The following COPZ1 variants were observed in gnomAD, a reference collection of about 807,000 sequenced individuals.
COPZ1 encodes coatomer subunit zeta-1.
Under a neutral mutation model 31.7 loss-of-function variants are expected in COPZ1, and 4 were observed. The ratio of observed to expected loss-of-function variants is 0.13; its 90% CI spans 0.06 to 0.29. COPZ1 has a LOEUF of 0.29. Ranked by LOEUF, COPZ1 falls within the 10% of genes least tolerant of loss-of-function variation. The pLI, the probability that COPZ1 is intolerant of heterozygous loss-of-function variation, is 1.00. For missense variants in COPZ1, 156 were observed against 211.5 expected (o/e 0.74, Z 1.63); for synonymous variants, 74 against 79.0 (o/e 0.94, Z 0.33).
chr12:54,325,211 GT>G, intron 1 of COPZ1, 30 bp downstream of exon 1: 2 of 1,554,198 alleles, frequency 1.3e-6, no homozygotes, highest in South Asian at 2.4e-5. Context: ...CAGAGATGCT[GT>G]GGTGTCCACA....
At chr12:54,331,730 G>A (rs575053070) in intron 1 of COPZ1, among the ~76,000 whole-genome samples, 2 of 152,202 alleles carry the variant, frequency 1.3e-5, no homozygotes, top group South Asian at 2.1e-4. Context: ...GGAGATGTGG[G>A]GGGGAGTAAA....
intron 1 of COPZ1, among the ~76,000 whole-genome samples, chr12:54,328,666 T>A (rs1288607179): frequency 1.3e-5 from 2 of 152,220 alleles, no homozygotes; most frequent in Non-Finnish European, 2.9e-5. Flanking sequence ...GCTTCTTCCT[T>A]ATTCTTTTGC....
At chr12:54,348,809 G>A (rs1334662074) in intron 7 of COPZ1, among the ~76,000 whole-genome samples, 1 of 152,138 alleles carries the variant, frequency 6.6e-6, no homozygotes, top group Non-Finnish European at 1.5e-5. Context: ...CCATTAGGAA[G>A]TACTTATTTG....
intron 5 of COPZ1, among the ~76,000 whole-genome samples, chr12:54,346,070 C>G (rs1287413898): frequency 6.6e-6 from 1 of 151,848 alleles, no homozygotes; most frequent in Non-Finnish European, 1.5e-5. Context: ...AGTAAGGGGA[C>G]TGGGAGGGAG....
intron 1 of COPZ1, among the ~76,000 whole-genome samples, chr12:54,336,766 G>C (rs1953873647): frequency 6.6e-6 from 1 of 151,898 alleles, no homozygotes; most frequent in African/African-American, 2.4e-5. Context: ...GCTCACGCCT[G>C]TAATCCCAGC....
chr12:54,338,847 C>T (rs1436030270), intron 1 of COPZ1, among the ~76,000 whole-genome samples: 1 of 152,196 alleles, frequency 6.6e-6, no homozygotes, highest in African/African-American at 2.4e-5. Context: ...CCTTTTACTT[C>T]CATTCTGAAC....
At position 54,349,782 on chromosome 12, in the gene COPZ1, C is replaced by T. The variant is rs73316324; in HGVS notation, c.486+124C>T. The T allele has an allele frequency of 1.0e-3, 893 of 861,852 alleles. 8 individuals are homozygous for T. The African/African-American group carries it at 0.012, about 11-fold the overall frequency. The allele number at this position is 861,852 out of a possible 1,614,324, so 53.4% of individuals were successfully genotyped here. ...CTCAAGACACATCTTCCTTGGCTCC[C>T]TCTTATTCCAGAGAACTGGGACTCA... is the stretch of plus-strand genomic sequence containing the variant. On this transcript the variant is annotated intron_variant, in intron 8 of 8. Coordinates refer to ENST00000262061, the MANE Select transcript of COPZ1 (RefSeq NM_016057.3).
rs182360255 is a variant in COPZ1 at position 54,329,067 on chromosome 12, T to C, written c.18+3886T>C. 2.6e-3 allele frequency among the ~76,000 whole-genome samples: 393 copies of C among 152,306 alleles called. 1 individual carries two copies. Among genetic ancestry groups the C allele is most frequent in the African/African-American group, 8.8e-3 (364 of 41,568 alleles). On this transcript the variant is annotated intron_variant, in intron 1 of 8. Coordinates refer to ENST00000262061, the MANE Select transcript of COPZ1 (RefSeq NM_016057.3). ...TTTGTCTAATCTCTCTCAGGTCTCCTTAGGCTCTAAGGAAAGAGACCCTTT... is the reference window on the plus strand; with the variant it reads ...TTTGTCTAATCTCTCTCAGGTCTCCCTAGGCTCTAAGGAAAGAGACCCTTT...
At chr12:54,346,536 G>A (rs1954066599) in intron 5 of COPZ1, 1 of 678,796 alleles carries the variant, frequency 1.5e-6, no homozygotes, top group South Asian at 1.5e-5. Context: ...GCCTCCCAAA[G>A]TGCTGGGATT....
Position 54,345,461 on chromosome 12 carries a change from T to C in COPZ1, c.263T>C (p.Leu88Pro). 3.1e-6 allele frequency: 5 copies of C among 1,612,734 alleles called. No individual in the cohort carries two copies. Among genetic ancestry groups the C allele is most frequent in the Non-Finnish European group, 4.2e-6 (5 of 1,178,796 alleles). Residue 88 changes from leucine to proline, a missense_variant and splice_region_variant, in exon 5 of 9, where the codon CTG becomes CCG. Transcript: ENST00000262061. ...TCTGCCTCCTCTGTTTCCCAACAGC[T>C]GATGCTTATGGCTGTTCTGAACTGT... ...YVIGSSYENE[L>P]MLMAVLNCLF...
chr12:54,350,888 G>T lies in COPZ1; in HGVS notation c.*365G>T. 3.8e-6 allele frequency: 1 copy of T among 264,266 alleles called. No homozygotes were observed. Among genetic ancestry groups the T allele is most frequent in the Non-Finnish European group, 7.5e-6 (1 of 133,114 alleles). 16.4% of individuals were successfully genotyped at this position (264,266 alleles called of 1,614,324 possible). On this transcript the variant is annotated 3_prime_UTR_variant, in exon 9 of 9. Transcript: ENST00000262061. ...AAGTAGGAGAAAGAATGTGCTGAGT[G>T]TTTTCCTCCCTTTGCCTCTACCTGG...
chr12:54,337,697 T>TCTTCATG (rs1053935027), intron 1 of COPZ1, among the ~76,000 whole-genome samples: 9 of 152,202 alleles, frequency 5.9e-5, no homozygotes, highest in Non-Finnish European at 1.0e-4. Context: ...AAGCGGCATT[T>TCTTCATG]AAGCGCCTGC....
In COPZ1 at chr12:54,326,961, CTTTTTTTTTTTTTTTTTTTT is replaced by C. The variant is rs60827109; in HGVS notation, c.18+1798_18+1817del. On this transcript the variant is annotated intron_variant, in intron 1 of 8. Transcript: ENST00000262061. The stretch of plus-strand genomic sequence containing the variant: ...CTGTACCAAGCAGTTAACAAGTATT[CTTTTTTTTTTTTTTTTTTTT>C]TTTTTTTTTTTTTTTTTGAGATAGA... Among the ~76,000 whole-genome samples, 167 of 43,560 alleles carry C rather than the reference CTTTTTTTTTTTTTTTTTTTT, an allele frequency of 3.8e-3. 2 individuals carry two copies. The highest frequency in any genetic ancestry group is 0.023 in the East Asian group (43 of 1,856). 28.6% of individuals were successfully genotyped at this position (43,560 alleles called of 152,430 possible).
chr12:54,349,314 C>G (rs1954110352), intron 7 of COPZ1, among the ~76,000 whole-genome samples: 1 of 152,126 alleles, frequency 6.6e-6, no homozygotes, highest in Non-Finnish European at 1.5e-5. Flanking sequence ...GAATCAGGTC[C>G]TCCACCCCCA....
chr12:54,348,811 A>G (rs900518448), intron 7 of COPZ1, among the ~76,000 whole-genome samples: 5 of 152,188 alleles, frequency 3.3e-5, no homozygotes, highest in Non-Finnish European at 5.9e-5. Context: ...ATTAGGAAGT[A>G]CTTATTTGCC....
At chr12:54,345,142 C>T (rs547852050) in intron 4 of COPZ1, 1 of 237,320 alleles carries the variant, frequency 4.2e-6, no homozygotes, top group African/African-American at 2.3e-5. Flanking sequence ...TCAGCTATTG[C>T]TTGGTTAGTA....
At chr12:54,340,341 T>C in intron 1 of COPZ1, 3 of 740,022 alleles carry the variant, frequency 4.1e-6, no homozygotes, top group Non-Finnish European at 4.0e-6. Flanking sequence ...TGGAATCCTT[T>C]GTTTAAATGC....
intron 1 of COPZ1, among the ~76,000 whole-genome samples, chr12:54,340,186 A>G (rs1424876921): frequency 2.6e-5 from 4 of 152,116 alleles, no homozygotes; most frequent in South Asian, 2.1e-4. Context: ...ATCTGGTCAC[A>G]TTCTATAGCC....
intron 1 of COPZ1, among the ~76,000 whole-genome samples, chr12:54,329,454 G>A (rs1953714311): frequency 6.6e-6 from 1 of 152,096 alleles, no homozygotes; most frequent in African/African-American, 2.4e-5. Context: ...GTGGTGGCAT[G>A]CGCTTGTAAT....
Sources: gnomAD v4.1 joint callset for allele counts (sites outside exome capture counted in the v4.1 genomes callset) on GRCh38, gnomAD v4.1.1 for gene constraint, MANE v1.5 for transcripts, NCBI Gene and HGNC (gene_info 2026-07-23, HGNC 2026-07-21) for gene names.